Variants in CNTNAP5 observed in about 807,000 individuals in gnomAD.
CNTNAP5 encodes the protein contactin-associated protein-like 5.
In CNTNAP5, 72 loss-of-function variants were observed where a neutral mutation model predicts 150.2. That is an observed-to-expected ratio of 0.48 (90% CI 0.40 to 0.58). The LOEUF (loss-of-function observed/expected upper bound fraction) is 0.58. Among genes scored for constraint, CNTNAP5 ranks in the 20% least tolerant of loss-of-function variants. The probability of loss-of-function intolerance (pLI) is 0.00; values close to 1 mark genes in which losing one functional copy is unlikely to be tolerated. For synonymous variants in CNTNAP5, 672 were observed against 619.8 expected (o/e 1.08, Z -1.25); for missense variants, 1,636 against 1,626.2 (o/e 1.01, Z -0.10).
intron 7 of CNTNAP5, among the ~76,000 whole-genome samples, chr2:124,477,564 A>G (rs923610639): frequency 1.1e-4 from 16 of 152,092 alleles, no homozygotes; most frequent in African/African-American, 3.6e-4. Context: ...ATCTCTGGCT[A>G]ATGCCCAAGG....
chr2:124,081,706 T>C (rs1682560832), intron 1 of CNTNAP5, among the ~76,000 whole-genome samples: 1 of 152,148 alleles, frequency 6.6e-6, no homozygotes, highest in South Asian at 2.1e-4. Flanking sequence ...AATATCAAAG[T>C]TTTTTACAAG....
intron 3 of CNTNAP5, among the ~76,000 whole-genome samples, chr2:124,314,702 T>G (rs1234432169): frequency 6.6e-6 from 1 of 152,200 alleles, no homozygotes; most frequent in Non-Finnish European, 1.5e-5. Flanking sequence ...AATCTCATCA[T>G]TTTTACCCAG....
intron 1 of CNTNAP5, among the ~76,000 whole-genome samples, chr2:124,182,802 A>G (rs1247662109): frequency 1.3e-5 from 2 of 152,136 alleles, no homozygotes; most frequent in Non-Finnish European, 2.9e-5. Context: ...TGTCTTTAGT[A>G]CCCATGAAGC....
At chr2:124,358,340 G>T (rs1024108685) in intron 3 of CNTNAP5, among the ~76,000 whole-genome samples, 8 of 152,030 alleles carry the variant, frequency 5.3e-5, no homozygotes, top group Non-Finnish European at 8.8e-5. Flanking sequence ...CCAACACTAC[G>T]TTGAATAGGA....
In CNTNAP5 at chr2:124,197,442, G is replaced by A. The variant is rs144576043; in HGVS notation, c.83-24263G>A. 3.8e-3 allele frequency among the ~76,000 whole-genome samples: 584 copies of A among 152,290 alleles called. 2 individuals are homozygous for A. The highest frequency in any genetic ancestry group is 5.5e-3 in the Non-Finnish European group (371 of 68,030). ...CTATAGTTTATTTTAAGTGCTGAAT[G>A]ATTTTCCTTTGGAATAACATACAAC... On this transcript the variant is annotated intron_variant, in intron 1 of 23. Coordinates refer to ENST00000682447, the MANE Select transcript of CNTNAP5 (RefSeq NM_001367498.1).
At chr2:124,316,591 G>A (rs1688965229) in intron 3 of CNTNAP5, among the ~76,000 whole-genome samples, 1 of 151,894 alleles carries the variant, frequency 6.6e-6, no homozygotes, top group Admixed American at 6.6e-5. Context: ...AGATCATGAG[G>A]TCAGGAGATT....
chr2:124,862,179 C>T (rs545450910), intron 19 of CNTNAP5, among the ~76,000 whole-genome samples: 6 of 152,212 alleles, frequency 3.9e-5, no homozygotes, highest in African/African-American at 1.4e-4. Flanking sequence ...TGTTAATTTC[C>T]ACATTGTGAA....
At chr2:124,456,981 A>G (rs548900440) in intron 6 of CNTNAP5, among the ~76,000 whole-genome samples, 221 of 152,362 alleles carry the variant, frequency 1.5e-3, no homozygotes, top group African/African-American at 5.1e-3. Flanking sequence ...GGCATTAGGG[A>G]AACCCTTCTA....
At chr2:124,739,630 C>G (rs550741988) in intron 13 of CNTNAP5, among the ~76,000 whole-genome samples, 29 of 152,282 alleles carry the variant, frequency 1.9e-4, no homozygotes, top group Non-Finnish European at 2.9e-4. Flanking sequence ...ACAGAAATCT[C>G]ATTATCCCAA....
chr2:124,057,941 C>T (rs1334894936), intron 1 of CNTNAP5, among the ~76,000 whole-genome samples: 1 of 151,848 alleles, frequency 6.6e-6, no homozygotes, highest in African/African-American at 2.4e-5. Context: ...CTCATATAAC[C>T]CGTAAATATA....
At chr2:124,823,488 G>T in intron 19 of CNTNAP5, among the ~76,000 whole-genome samples, 1 of 152,272 alleles carries the variant, frequency 6.6e-6, no homozygotes, top group Middle Eastern at 3.4e-3. Flanking sequence ...ACAGACTAAG[G>T]TTGACAAGCA....
At chr2:124,666,351 G>A (rs11690144) in intron 13 of CNTNAP5, among the ~76,000 whole-genome samples, 10,442 of 152,206 alleles carry the variant, frequency 0.069, 503 homozygotes, top group Non-Finnish European at 0.11. Flanking sequence ...AAGATAAGGA[G>A]GTCTGTTAAC....
At chr2:124,147,071 T>C (rs1277220165) in intron 1 of CNTNAP5, among the ~76,000 whole-genome samples, 1 of 152,070 alleles carries the variant, frequency 6.6e-6, no homozygotes, top group Admixed American at 6.5e-5. Context: ...AATCCAAAGA[T>C]GATACAAAAA....
chr2:124,480,808 C>T (rs1693746305), intron 7 of CNTNAP5, among the ~76,000 whole-genome samples: 1 of 152,194 alleles, frequency 6.6e-6, no homozygotes, highest in African/African-American at 2.4e-5. Context: ...ACATCCACAT[C>T]ACCTGCATCT....
intron 3 of CNTNAP5, among the ~76,000 whole-genome samples, chr2:124,401,055 CG>C (rs1365737646): frequency 1.3e-5 from 2 of 152,008 alleles, no homozygotes; most frequent in African/African-American, 4.8e-5. Flanking sequence ...TTAGTAGAAA[CG>C]GGGTTTCACT....
intron 17 of CNTNAP5, among the ~76,000 whole-genome samples, chr2:124,778,102 G>A (rs781540037): frequency 3.3e-5 from 5 of 152,122 alleles, no homozygotes; most frequent in Non-Finnish European, 7.4e-5. Context: ...GGACATTCAA[G>A]GACCCAATCT....
At chr2:124,674,439 T>A (rs957581297) in intron 13 of CNTNAP5, among the ~76,000 whole-genome samples, 2 of 142,038 alleles carry the variant, frequency 1.4e-5, no homozygotes, top group Non-Finnish European at 3.1e-5. Context: ...CTCCTCTCCT[T>A]CCTTTCCTTT....
intron 3 of CNTNAP5, among the ~76,000 whole-genome samples, chr2:124,293,166 C>A (rs1573895964): frequency 6.6e-6 from 1 of 151,876 alleles, no homozygotes; most frequent in East Asian, 1.9e-4. Context: ...TTTTTTTATA[C>A]TTGAAAATCA....
intron 2 of CNTNAP5, among the ~76,000 whole-genome samples, chr2:124,222,703 G>A (rs1686354337): frequency 6.7e-6 from 1 of 149,860 alleles, no homozygotes; most frequent in African/African-American, 2.4e-5. Context: ...TTTGCATTCT[G>A]GAATAAGTTC....
Sources: allele counts gnomAD v4.1 joint callset (sites outside exome capture counted in the v4.1 genomes callset), GRCh38; gene constraint gnomAD v4.1.1; transcripts MANE v1.5; gene names NCBI Gene and HGNC (gene_info 2026-07-23, HGNC 2026-07-21).